Variants in TBXAS1 observed in about 807,000 individuals in gnomAD.
TBXAS1 encodes thromboxane A synthase 1, also known as thromboxane-A synthase.
TBXAS1 carries 48 observed loss-of-function variants against 60.7 expected under a neutral mutation model. The ratio of observed to expected loss-of-function variants is 0.79; its 90% CI spans 0.63 to 1.01. The LOEUF (loss-of-function observed/expected upper bound fraction) is 1.01, where lower values mean the gene tolerates loss of function less well. Ranked by LOEUF, TBXAS1 falls within the 50% of genes least tolerant of loss-of-function variation. The pLI, the probability that TBXAS1 is intolerant of heterozygous loss-of-function variation, is 0.00. For missense variants in TBXAS1, 685 were observed against 686.3 expected (o/e 1.00, Z 0.02); for synonymous variants, 287 against 269.7 (o/e 1.06, Z -0.63).
At chr7:139,876,702 C>T (rs866975987) in intron 3 of TBXAS1, among the ~76,000 whole-genome samples, 5 of 152,134 alleles carry the variant, frequency 3.3e-5, no homozygotes, top group African/African-American at 9.7e-5. Context: ...TGGTTTGCTA[C>T]GTGGTCCTGA....
At chr7:139,855,776 A>G (rs575965188) in intron 1 of TBXAS1, among the ~76,000 whole-genome samples, 35 of 152,290 alleles carry the variant, frequency 2.3e-4, no homozygotes, top group Middle Eastern at 6.8e-3. Context: ...CCTGTGGTCA[A>G]CCAGAGCCCC....
intron 4 of TBXAS1, among the ~76,000 whole-genome samples, chr7:139,798,082 A>AT (rs1359390041): frequency 4.0e-5 from 6 of 151,878 alleles, no homozygotes; most frequent in South Asian, 2.1e-4. Flanking sequence ...TTTTATTTTT[A>AT]TTTTTTTTAA....
chr7:139,980,514 A>G (rs1811886332), intron 9 of TBXAS1, among the ~76,000 whole-genome samples: 1 of 152,134 alleles, frequency 6.6e-6, no homozygotes, highest in African/African-American at 2.4e-5. Context: ...ACCAGAGACC[A>G]AGAAAGAAAC....
At chr7:139,898,523 C>T (rs534197463) in intron 3 of TBXAS1, among the ~76,000 whole-genome samples, 4 of 139,146 alleles carry the variant, frequency 2.9e-5, no homozygotes, top group African/African-American at 8.0e-5. Flanking sequence ...GACGGGGTTT[C>T]GCCATGTTGG....
chr7:139,986,740 C>CATATATAT (rs1177275102), intron 9 of TBXAS1, among the ~76,000 whole-genome samples: 2 of 68,964 alleles, frequency 2.9e-5, no homozygotes, highest in African/African-American at 7.6e-5. Flanking sequence ...TATATATATA[C>CATATATAT]ATACATATAT....
chr7:139,886,182 A>G (rs2116901266), intron 3 of TBXAS1, among the ~76,000 whole-genome samples: 1 of 152,242 alleles, frequency 6.6e-6, no homozygotes, highest in South Asian at 2.1e-4. Context: ...TTCTTTGATT[A>G]TTCTTCGTAT....
In TBXAS1 at chr7:139,953,348, C is replaced by T. The variant is rs765596734; in HGVS notation, c.451-20C>T. 9.3e-6 allele frequency: 15 copies of T among 1,605,620 alleles called. No homozygotes were observed. The highest frequency in any genetic ancestry group is 1.2e-5 in the Non-Finnish European group (14 of 1,172,404). On this transcript the variant is annotated intron_variant, in intron 5 of 12. Transcript: ENST00000448866. Reference sequence around the variant, plus strand: ...CTCCCGGCATGGTGCCCTAATTACACCTTTGTTATCCATTATCAGATGGTT... The same window carrying T: ...CTCCCGGCATGGTGCCCTAATTACATCTTTGTTATCCATTATCAGATGGTT...
chr7:139,819,102 T>C (rs568507893), intron 4 of TBXAS1, among the ~76,000 whole-genome samples: 1 of 152,352 alleles, frequency 6.6e-6, no homozygotes, highest in Non-Finnish European at 1.5e-5. Flanking sequence ...GTGGCAGGAA[T>C]GCTATATGCT....
At chr7:139,840,731 A>T (rs373064814) in intron 1 of TBXAS1, among the ~76,000 whole-genome samples, 1 of 152,170 alleles carries the variant, frequency 6.6e-6, no homozygotes. Flanking sequence ...GGGCACAGAA[A>T]ATATGGAGTC....
intron 1 of TBXAS1, among the ~76,000 whole-genome samples, chr7:139,831,357 G>A (rs1378196988): frequency 2.6e-5 from 4 of 152,170 alleles, no homozygotes; most frequent in African/African-American, 7.2e-5. Flanking sequence ...TGTTCCGGGT[G>A]AGACTCTAGT....
At chr7:139,947,424 G>C (rs531621358) in intron 5 of TBXAS1, among the ~76,000 whole-genome samples, 1 of 152,150 alleles carries the variant, frequency 6.6e-6, no homozygotes, top group African/African-American at 2.4e-5. Flanking sequence ...GGGGAGGGGG[G>C]AGGAAGAGCA....
intron 4 of TBXAS1, 92 bp from the exon 5 acceptor site, chr7:139,936,099 C>T (rs1807742997): frequency 1.6e-6 from 2 of 1,213,636 alleles, no homozygotes; most frequent in African/African-American, 1.5e-5. Context: ...CACTGATGGA[C>T]TTTAACCAGG....
chr7:139,982,035 T>C (rs943996572), intron 9 of TBXAS1, among the ~76,000 whole-genome samples: 1 of 152,274 alleles, frequency 6.6e-6, no homozygotes, highest in Middle Eastern at 3.2e-3. Context: ...CTTAATCTTC[T>C]GAAAATTTCC....
chr7:139,826,155 C>T (rs1203274349), upstream of TBXAS1, among the ~76,000 whole-genome samples: 1 of 152,170 alleles, frequency 6.6e-6, no homozygotes, highest in Non-Finnish European at 1.5e-5. Flanking sequence ...GGGCCATCAT[C>T]CTGCAGTGTT....
chr7:139,781,555 G>T (rs1254587178), intron 2 of TBXAS1, among the ~76,000 whole-genome samples: 2 of 152,204 alleles, frequency 1.3e-5, no homozygotes, highest in African/African-American at 4.8e-5. Context: ...AAAGCAGCTG[G>T]GTGCTGTGGC....
chr7:139,871,290 TGA>T (rs1801807540), intron 1 of TBXAS1, among the ~76,000 whole-genome samples: 1 of 152,252 alleles, frequency 6.6e-6, no homozygotes, highest in Non-Finnish European at 1.5e-5. Context: ...TAGATTGTAC[TGA>T]TAGTCTCCAT....
At chr7:139,797,356 C>G (rs1333659866) in intron 4 of TBXAS1, 1 of 152,206 alleles carries the variant, frequency 6.6e-6, no homozygotes, top group Non-Finnish European at 1.5e-5. Flanking sequence ...GGTTACTTCT[C>G]CCCTGTGGCT....
chr7:139,803,421 G>A (rs1797768450), intron 4 of TBXAS1, among the ~76,000 whole-genome samples: 2 of 152,168 alleles, frequency 1.3e-5, no homozygotes, highest in African/African-American at 4.8e-5. Flanking sequence ...GTATTCAAGA[G>A]GAAGCAGAGC....
intron 9 of TBXAS1, among the ~76,000 whole-genome samples, chr7:139,967,274 C>A (rs1810863095): frequency 6.6e-6 from 1 of 152,230 alleles, no homozygotes; most frequent in Non-Finnish European, 1.5e-5. Flanking sequence ...TTTTCCTTTG[C>A]TCAAATAGGC....
Sources: gnomAD v4.1 joint callset for allele counts (sites outside exome capture counted in the v4.1 genomes callset) on GRCh38, gnomAD v4.1.1 for gene constraint, MANE v1.5 for transcripts, NCBI Gene and HGNC (gene_info 2026-07-23, HGNC 2026-07-21) for gene names.